MAP4: variants seen among roughly 807,000 people sequenced by gnomAD.
MAP4 encodes microtubule-associated protein 4.
In MAP4, 76 loss-of-function variants were observed where a neutral mutation model predicts 170.2. The ratio of observed to expected loss-of-function variants is 0.45; its 90% confidence interval spans 0.37 to 0.54. The LOEUF (loss-of-function observed/expected upper bound fraction) is 0.54. Ranked by LOEUF, MAP4 falls within the 20% of genes least tolerant of loss-of-function variation. MAP4 has a pLI of 0.00. For missense variants in MAP4, 2,506 were observed against 2,748.0 expected, an observed-to-expected ratio of 0.91 and a Z score of 1.97; for synonymous variants, 909 against 994.5, an observed-to-expected ratio of 0.91 and a Z score of 1.62.
At chr3:47,973,381 C>T in intron 3 of MAP4, 1 of 985,390 alleles carries the variant, frequency 1.0e-6, no homozygotes, top group Non-Finnish European at 1.2e-6. Context: ...TTGGGTGTGA[C>T]CACTATGGCA....
At chr3:47,962,739 T>G (rs1297576705) in intron 3 of MAP4, among the ~76,000 whole-genome samples, 4 of 152,172 alleles carry the variant, frequency 2.6e-5, no homozygotes, top group Admixed American at 2.0e-4. Flanking sequence ...AATGTTAATC[T>G]CTAAATGTCT....
At chr3:47,959,933 G>A (rs2100070529) in intron 3 of MAP4, among the ~76,000 whole-genome samples, 1 of 151,882 alleles carries the variant, frequency 6.6e-6, no homozygotes, top group Non-Finnish European at 1.5e-5. Flanking sequence ...TGCAATCTTG[G>A]TTCAATGAAA....
intron 1 of MAP4, among the ~76,000 whole-genome samples, chr3:48,050,774 G>C (rs777225159): frequency 1.7e-4 from 25 of 151,282 alleles, no homozygotes; most frequent in Admixed American, 1.6e-3. Context: ...GCATGGTGGC[G>C]CATGCCTGTA....
At chr3:47,880,394 C>T (rs1162543728) in intron 10 of MAP4, among the ~76,000 whole-genome samples, 1 of 151,318 alleles carries the variant, frequency 6.6e-6, no homozygotes, top group Non-Finnish European at 1.5e-5. Context: ...AGGTGTGAGC[C>T]ACCACACCTG....
rs9823124 is a variant in MAP4 at position 47,935,352 on chromosome 3, G to A, written c.293-7002C>T. On this transcript the variant is annotated intron_variant, in intron 3 of 20. Transcript: ENST00000683076. The stretch of plus-strand genomic sequence containing the variant: ...AAGCAAAATAGAAGTTAGGGCCATG[G>A]GCAAGAATGGGAAAACCAAGAGCAT... Among the ~76,000 whole-genome samples, 344 of 152,210 alleles carry A rather than the reference G, an allele frequency of 2.3e-3. 1 individual carries two copies. Among genetic ancestry groups the A allele is most frequent in the African/African-American group, 7.8e-3 (323 of 41,528 alleles).
intron 3 of MAP4, among the ~76,000 whole-genome samples, chr3:47,941,094 G>T (rs1198586509): frequency 1.3e-5 from 2 of 151,560 alleles, no homozygotes; most frequent in Non-Finnish European, 2.9e-5. Flanking sequence ...GGCCAAGCTG[G>T]TCTCAAACTC....
intron 3 of MAP4, among the ~76,000 whole-genome samples, chr3:47,929,347 CTG>C (rs1370812978): frequency 6.6e-6 from 1 of 151,998 alleles, no homozygotes; most frequent in Non-Finnish European, 1.5e-5. Context: ...CAGAGCAAGA[CTG>C]TACCAACTCA....
At chr3:47,947,336 G>A (rs1057001244) in intron 3 of MAP4, among the ~76,000 whole-genome samples, 2 of 152,156 alleles carry the variant, frequency 1.3e-5, no homozygotes, top group Middle Eastern at 3.4e-3. Flanking sequence ...TGGACTTGTG[G>A]CCCAATCTCC....
In MAP4 at chr3:47,917,071, T is replaced by A. The variant is rs113274037; in HGVS notation, c.756A>T (p.Pro252=). The A allele has an allele frequency of 2.0e-5, 33 of 1,614,232 alleles. 1 individual carries two copies. In the African/African-American group the frequency reaches 3.3e-4, roughly 16 times the overall value. Residue 252 remains proline, a synonymous_variant, in exon 7 of 21, where the codon CCA becomes CCT. Coordinates refer to ENST00000683076, the MANE Select transcript of MAP4 (RefSeq NM_001385682.1). ...MMGLKTTDMA[P]SKETEMALAK... ...CGAGGGCCATCTCTGTTTCTTTAGA[T>A]GGTGCCATGTCAGTAGTCTTCAGTC... is the stretch of plus-strand genomic sequence containing the variant.
chr3:47,891,704 A>G (rs772077388), intron 10 of MAP4: 1 of 1,536,516 alleles, frequency 6.5e-7, no homozygotes, highest in South Asian at 1.2e-5. Context: ...GCTTGCATTC[A>G]AATGTTCCTG....
At chr3:48,027,846 T>TA (rs2100113929) in intron 1 of MAP4, among the ~76,000 whole-genome samples, 1 of 152,088 alleles carries the variant, frequency 6.6e-6, no homozygotes, top group South Asian at 2.1e-4. Context: ...CTCAAAAAAA[T>TA]AAAAAATCCG....
intron 1 of MAP4, among the ~76,000 whole-genome samples, chr3:48,012,468 T>C (rs1416297182): frequency 6.6e-6 from 1 of 152,196 alleles, no homozygotes; most frequent in Non-Finnish European, 1.5e-5. Context: ...ATCCAAAATT[T>C]AATTTTCCCC....
At chr3:48,035,021 T>C (rs1474780873) in intron 1 of MAP4, among the ~76,000 whole-genome samples, 1 of 151,762 alleles carries the variant, frequency 6.6e-6, no homozygotes, top group Non-Finnish European at 1.5e-5. Context: ...TCAAAAAAAA[T>C]AACTTATTCT....
At chr3:47,890,219 G>A (rs1418984431) in intron 10 of MAP4, among the ~76,000 whole-genome samples, 4 of 152,108 alleles carry the variant, frequency 2.6e-5, no homozygotes. Flanking sequence ...GAGCTGTGGG[G>A]GGATGGGAGA....
chr3:47,932,774 G>A (rs1275709900), intron 3 of MAP4, among the ~76,000 whole-genome samples: 1 of 152,196 alleles, frequency 6.6e-6, no homozygotes, highest in Admixed American at 6.5e-5. Flanking sequence ...CTATTCGGGT[G>A]CAGCGGCTGT....
chr3:47,882,753 TTGAG>T (rs1196819773), intron 10 of MAP4, among the ~76,000 whole-genome samples: 1 of 152,118 alleles, frequency 6.6e-6, no homozygotes, highest in East Asian at 1.9e-4. Flanking sequence ...TTTTACTACT[TTGAG>T]TGACCTACTG....
At chr3:48,073,333 G>A (rs866694375) in intron 1 of MAP4, among the ~76,000 whole-genome samples, 9 of 147,544 alleles carry the variant, frequency 6.1e-5, no homozygotes, top group African/African-American at 2.0e-4. Context: ...AAGTTCAGCC[G>A]GGTGCGGTGG....
rs891876181 is a variant in MAP4 at position 47,935,663 on chromosome 3, G to T, written c.293-7313C>A. Reference sequence around the variant, plus strand: ...AATAATATACCTGAGCTGGCCAGGCGTGGTGGCTCACACCTGTAATCCCAG... The same window carrying T: ...AATAATATACCTGAGCTGGCCAGGCTTGGTGGCTCACACCTGTAATCCCAG... On this transcript the variant is annotated intron_variant, in intron 3 of 20. Transcript: ENST00000683076. Among the ~76,000 whole-genome samples, 23 of 151,888 alleles carry T rather than the reference G, an allele frequency of 1.5e-4. 1 individual carries two copies. Among genetic ancestry groups the T allele is most frequent in the Admixed American group, 1.4e-3 (21 of 15,246 alleles).
At chr3:47,986,138 G>A (rs367655713) in intron 2 of MAP4, among the ~76,000 whole-genome samples, 1 of 152,094 alleles carries the variant, frequency 6.6e-6, no homozygotes, top group Non-Finnish European at 1.5e-5. Flanking sequence ...TCATTTGCTT[G>A]CAGAATATTA....
Sources: gnomAD v4.1 joint callset for allele counts (sites outside exome capture counted in the v4.1 genomes callset) on GRCh38, gnomAD v4.1.1 for gene constraint, MANE v1.5 for transcripts, NCBI Gene and HGNC (gene_info 2026-07-23, HGNC 2026-07-21) for gene names.